Variants in CREB3L2 observed in about 807,000 individuals in gnomAD.
CREB3L2 encodes cAMP responsive element binding protein 3 like 2.
CREB3L2 carries 23 observed loss-of-function variants against 57.2 expected under a neutral mutation model. That is an observed-to-expected ratio of 0.40 (90% confidence interval 0.29 to 0.57). The LOEUF is 0.57. Among genes scored for constraint, CREB3L2 ranks in the 20% least tolerant of loss-of-function variants. The pLI, the probability that CREB3L2 is intolerant of heterozygous loss-of-function variation, is 0.42. For synonymous variants in CREB3L2, 268 were observed against 265.1 expected (o/e 1.01, Z -0.11); for missense variants, 628 against 634.7 (o/e 0.99, Z 0.11).
chr7:137,941,823 ATTG>A (rs1160389686), intron 1 of CREB3L2, among the ~76,000 whole-genome samples: 1 of 152,188 alleles, frequency 6.6e-6, no homozygotes, highest in African/African-American at 2.4e-5. Context: ...TAGCTGTTTT[ATTG>A]TTGTTTGTAT....
At chr7:137,965,298 C>A (rs274012) in intron 1 of CREB3L2, among the ~76,000 whole-genome samples, 110,733 of 152,102 alleles carry the variant, frequency 0.73, 40,414 homozygotes, top group East Asian at 0.82. Flanking sequence ...TCTGTCTTTC[C>A]AACACGCAGT....
At chr7:137,973,171 T>C (rs886286907) in intron 1 of CREB3L2, among the ~76,000 whole-genome samples, 2 of 93,382 alleles carry the variant, frequency 2.1e-5, no homozygotes, top group Non-Finnish European at 3.9e-5. Flanking sequence ...AGTGTAATAA[T>C]AATGAAAAAA....
chr7:137,985,194 T>C (rs185623260), intron 1 of CREB3L2, among the ~76,000 whole-genome samples: 3 of 152,186 alleles, frequency 2.0e-5, no homozygotes, highest in Non-Finnish European at 2.9e-5. Flanking sequence ...AGAATCTCCA[T>C]ATAACCTCTG....
intron 1 of CREB3L2, among the ~76,000 whole-genome samples, chr7:137,960,835 C>CA (rs1801308581): frequency 7.7e-5 from 1 of 13,048 alleles, no homozygotes; most frequent in African/African-American, 4.3e-4. Context: ...TTTTTTGAGA[C>CA]AGAGTTTCAC....
At chr7:137,955,245 C>T in intron 1 of CREB3L2, 7 of 1,283,734 alleles carry the variant, frequency 5.5e-6, no homozygotes, top group Non-Finnish European at 7.1e-6. Context: ...ATCCATCCAA[C>T]AGGTATAGAA....
chr7:137,949,671 A>G (rs991121499), intron 1 of CREB3L2, among the ~76,000 whole-genome samples: 2 of 152,120 alleles, frequency 1.3e-5, no homozygotes, highest in African/African-American at 2.4e-5. Flanking sequence ...TCAAGATTAG[A>G]AAAAAAATCT....
intron 5 of CREB3L2, 106 bp downstream of exon 5, chr7:137,908,146 A>C (rs780130307): frequency 1.2e-6 from 1 of 831,580 alleles, no homozygotes; most frequent in Non-Finnish European, 1.6e-6. Context: ...ACTTCTTGAC[A>C]AAAGTAAAAA....
At position 137,915,987 on chromosome 7, in the gene CREB3L2, G is replaced by A. The variant is rs1382648248; in HGVS notation, c.345C>T (p.Tyr115=). 2 of 1,613,116 alleles carry A rather than the reference G, an allele frequency of 1.2e-6. No homozygotes were observed. Among genetic ancestry groups the A allele is most frequent in the East Asian group, 2.2e-5 (1 of 44,762 alleles). The change falls in exon 3 of 12, where the codon TAC becomes TAT. Residue 115 remains tyrosine (Y), a synonymous_variant. Coordinates refer to ENST00000330387, the MANE Select transcript of CREB3L2 (RefSeq NM_194071.4). ...NDDEVESEKW[Y]LSTDFPSTSI... ...ATGTTGAAGGGAAGTCTGTAGACAG[G>A]TACCATTTCTCACTTTCCACCTCAT...
At chr7:137,925,631 G>C (rs1166564541) in intron 2 of CREB3L2, among the ~76,000 whole-genome samples, 2 of 152,078 alleles carry the variant, frequency 1.3e-5, no homozygotes, top group Non-Finnish European at 2.9e-5. Context: ...ACCTTAAGGG[G>C]GATGCAAACT....
At chr7:137,894,442 G>GTCGT (rs1188708665) in intron 8 of CREB3L2, among the ~76,000 whole-genome samples, 2 of 152,200 alleles carry the variant, frequency 1.3e-5, no homozygotes, top group Non-Finnish European at 2.9e-5. Context: ...TGTGAAGGAT[G>GTCGT]TCGTGCACAC....
At chr7:137,968,091 CT>C (rs1022062588) in intron 1 of CREB3L2, among the ~76,000 whole-genome samples, 11 of 152,188 alleles carry the variant, frequency 7.2e-5, no homozygotes, top group Admixed American at 2.6e-4. Context: ...TTCTTTCTGA[CT>C]TTAAAGTCTA....
chr7:137,899,832 T>C (rs779503561), intron 8 of CREB3L2, among the ~76,000 whole-genome samples: 5 of 152,224 alleles, frequency 3.3e-5, no homozygotes, highest in African/African-American at 9.6e-5. Flanking sequence ...AGCTGGCTTT[T>C]TGAGCAACAA....
At chr7:137,885,665 T>TA (rs1799402703) in intron 8 of CREB3L2, among the ~76,000 whole-genome samples, 163 bp from the exon 9 acceptor site, 2 of 152,188 alleles carry the variant, frequency 1.3e-5, no homozygotes, top group South Asian at 4.1e-4. Flanking sequence ...CAGTACCTTC[T>TA]AGCACCATTG....
chr7:137,954,717 G>T (rs1237709834), intron 1 of CREB3L2, among the ~76,000 whole-genome samples: 1 of 152,188 alleles, frequency 6.6e-6, no homozygotes, highest in African/African-American at 2.4e-5. Context: ...GTCTGGCCAT[G>T]AGAGAGGAGG....
rs1232746366 is a variant in CREB3L2, at chr7:138,001,947, GC to G, written c.-243del. ...AGGGACACGAGCCGGACCAAAGGCT[GC>G]CGGGGCTAAAGCGGGATGTGCATCC... On this transcript the variant is annotated 5_prime_UTR_variant, in exon 1 of 12. Transcript: ENST00000330387. The surrounding 1 kb of genome is among the most constrained non-coding windows in gnomAD (Gnocchi z 4.2). The G allele has an allele frequency of 1.0e-4, 45 of 445,104 alleles. No homozygotes were observed. The Admixed American group carries it at 1.4e-3, about 14-fold the overall frequency. 27.6% of individuals were successfully genotyped at this position (445,104 alleles called of 1,614,324 possible). A position where few individuals can be genotyped will look rare whatever the true frequency, so the allele number is the denominator to read the frequency against.
chr7:137,995,480 G>A (rs967054968), intron 1 of CREB3L2, among the ~76,000 whole-genome samples: 10 of 151,488 alleles, frequency 6.6e-5, no homozygotes, highest in African/African-American at 1.7e-4. Flanking sequence ...GATTACAGGC[G>A]CCCGCCACCA....
chr7:137,959,576 G>A (rs1801281700), intron 1 of CREB3L2, among the ~76,000 whole-genome samples: 1 of 152,168 alleles, frequency 6.6e-6, no homozygotes, highest in Middle Eastern at 3.2e-3. Flanking sequence ...TAAGTTGTAT[G>A]GTGATTTGTT....
chr7:137,885,907 T>A lies in CREB3L2; in HGVS notation c.1044-405A>T, dbSNP rs566181061. Among the ~76,000 whole-genome samples, 19 of 152,330 alleles carry A rather than the reference T, an allele frequency of 1.2e-4. No individual in the cohort carries two copies. The South Asian group carries it at 3.9e-3, about 32-fold the overall frequency. On this transcript the variant is annotated intron_variant, in intron 8 of 11. Transcript: ENST00000330387. ...AAACCCAGTCCTCTATGTGACGGTA[T>A]TAGGATGCAGCACCTTTGGGAGATG...
chr7:137,984,443 G>A (rs1207183113), intron 1 of CREB3L2, among the ~76,000 whole-genome samples: 4 of 152,294 alleles, frequency 2.6e-5, no homozygotes, highest in South Asian at 2.1e-4. Context: ...CTGATGTTAC[G>A]CTGGAAGTGA....
Sources: gnomAD v4.1 joint callset for allele counts (sites outside exome capture counted in the v4.1 genomes callset) on GRCh38, gnomAD v4.1.1 for gene constraint, Gnocchi (gnomAD v3.1) non-coding constraint, MANE v1.5 for transcripts, NCBI Gene and HGNC (gene_info 2026-07-23, HGNC 2026-07-21) for gene names.